The following ETV6 variants were observed in gnomAD, a reference collection of about 807,000 sequenced individuals.
ETV6 encodes ETS variant transcription factor 6, also known as transcription factor ETV6.
Under a neutral mutation model 51.1 loss-of-function variants are expected in ETV6, and 16 were observed. The ratio of observed to expected loss-of-function variants is 0.31; its 90% CI spans 0.21 to 0.48. The LOEUF (loss-of-function observed/expected upper bound fraction) is 0.48. Among genes scored for constraint, ETV6 ranks in the 20% least tolerant of loss-of-function variants. The pLI is 0.99. For synonymous variants in ETV6, 240 were observed against 224.1 expected (o/e 1.07, Z -0.64); for missense variants, 458 against 594.8 (o/e 0.77, Z 2.39).
At chr12:11,809,842 G>A (rs1056839217) in intron 2 of ETV6, among the ~76,000 whole-genome samples, 3 of 120,668 alleles carry the variant, frequency 2.5e-5, no homozygotes, top group African/African-American at 9.7e-5. Flanking sequence ...TTTTTTTGGA[G>A]AGAGTCTTGC....
chr12:11,687,591 T>C (rs74597982), intron 1 of ETV6, among the ~76,000 whole-genome samples: 7,730 of 152,224 alleles, frequency 0.051, 231 homozygotes, highest in Non-Finnish European at 0.074. Flanking sequence ...TATGAAGAAC[T>C]TAAAACACAG....
intron 2 of ETV6, among the ~76,000 whole-genome samples, chr12:11,762,175 C>T (rs1945095028): frequency 6.6e-6 from 1 of 152,230 alleles, no homozygotes; most frequent in South Asian, 2.1e-4. Context: ...AAGACTGTCC[C>T]TGCCACTCTT....
At chr12:11,890,380 C>T (rs1161468754) in intron 7 of ETV6, among the ~76,000 whole-genome samples, 5 of 151,654 alleles carry the variant, frequency 3.3e-5, no homozygotes, top group African/African-American at 1.2e-4. Context: ...TGCATTAATG[C>T]ACCACGTGAT....
At chr12:11,662,538 G>T (rs986227001) in intron 1 of ETV6, among the ~76,000 whole-genome samples, 2 of 152,234 alleles carry the variant, frequency 1.3e-5, no homozygotes, top group African/African-American at 4.8e-5. Context: ...AAGTTGGTCT[G>T]TGTACATTTT....
intron 1 of ETV6, among the ~76,000 whole-genome samples, chr12:11,725,726 T>C (rs1296165075): frequency 6.6e-6 from 1 of 152,182 alleles, no homozygotes; most frequent in African/African-American, 2.4e-5. Context: ...GAGTGAGTTC[T>C]CGCTCTGTTA....
At chr12:11,788,027 A>G (rs1453667048) in intron 2 of ETV6, among the ~76,000 whole-genome samples, 1 of 152,172 alleles carries the variant, frequency 6.6e-6, no homozygotes, top group East Asian at 1.9e-4. Context: ...ATAAGAAAAC[A>G]TTTACAAGGA....
chr12:11,878,373 A>C (rs529906363), intron 5 of ETV6, among the ~76,000 whole-genome samples: 1 of 152,338 alleles, frequency 6.6e-6, no homozygotes, highest in South Asian at 2.1e-4. Context: ...GTAAGGGCGC[A>C]CAGTGCTGTA....
intron 2 of ETV6, among the ~76,000 whole-genome samples, chr12:11,789,150 A>G (rs187692129): frequency 6.6e-6 from 1 of 152,068 alleles, no homozygotes; most frequent in African/African-American, 2.4e-5. Context: ...GTCCTGCCTC[A>G]GCCTCCCGAG....
chr12:11,868,516 C>A (rs1946825354), intron 4 of ETV6, among the ~76,000 whole-genome samples: 1 of 148,684 alleles, frequency 6.7e-6, no homozygotes, highest in Non-Finnish European at 1.5e-5. Flanking sequence ...TGGCTCGCTG[C>A]AACCTCCACC....
At chr12:11,659,896 G>A (rs377285245) in intron 1 of ETV6, among the ~76,000 whole-genome samples, 1 of 152,180 alleles carries the variant, frequency 6.6e-6, no homozygotes, top group African/African-American at 2.4e-5. Context: ...CTGGAAGAGT[G>A]CCGGGGTCTC....
At chr12:11,661,589 T>C (rs1318046654) in intron 1 of ETV6, among the ~76,000 whole-genome samples, 2 of 152,244 alleles carry the variant, frequency 1.3e-5, no homozygotes, top group Non-Finnish European at 2.9e-5. Context: ...CTTTGAGACC[T>C]GAATGACCTG....
intron 1 of ETV6, among the ~76,000 whole-genome samples, chr12:11,750,499 G>A (rs1306967842): frequency 6.6e-6 from 1 of 152,204 alleles, no homozygotes; most frequent in Non-Finnish European, 1.5e-5. Flanking sequence ...TCGAAATGCT[G>A]TCTTGTTTTT....
At chr12:11,845,527 G>C (rs1946448411) in intron 3 of ETV6, among the ~76,000 whole-genome samples, 1 of 152,022 alleles carries the variant, frequency 6.6e-6, no homozygotes, top group Non-Finnish European at 1.5e-5. Context: ...CCCACAACCT[G>C]TTCCTTTTTT....
intron 2 of ETV6, among the ~76,000 whole-genome samples, chr12:11,823,519 T>C (rs1163147147): frequency 6.7e-6 from 1 of 148,436 alleles, no homozygotes; most frequent in African/African-American, 2.5e-5. Flanking sequence ...CAGGCTGGAG[T>C]GCGGTGGTAC....
At position 11,680,311 on chromosome 12, in the gene ETV6, A is replaced by G. The variant is rs1864501792; in HGVS notation, c.33+30151A>G. ...TGATAATATGCTAGAACCAAATTGCAAAGTGTACCCATGTATGTTATTTAG... is the reference window on the plus strand; with the variant it reads ...TGATAATATGCTAGAACCAAATTGCGAAGTGTACCCATGTATGTTATTTAG... On this transcript the variant is annotated intron_variant, in intron 1 of 7. Transcript: ENST00000396373. 2.0e-5 allele frequency among the ~76,000 whole-genome samples: 3 copies of G among 152,238 alleles called. No homozygotes were observed. In the South Asian group the frequency reaches 6.2e-4, roughly 31 times the overall value.
At position 11,690,310 on chromosome 12, in the gene ETV6, C is replaced by T. The variant is rs144341204; in HGVS notation, c.33+40150C>T. On this transcript the variant is annotated intron_variant, in intron 1 of 7. Coordinates refer to ENST00000396373, the MANE Select transcript of ETV6 (RefSeq NM_001987.5). The stretch of plus-strand genomic sequence containing the variant: ...TACAAGACACCTGTCTGCTTTGTAT[C>T]GATTCCGGCACTGTGTTATGATATT... Among the ~76,000 whole-genome samples the T allele has an allele frequency of 8.3e-3, 1,268 of 152,036 alleles. 9 individuals carry two copies. Among genetic ancestry groups the T allele is most frequent in the Non-Finnish European group, 0.013 (869 of 67,952 alleles).
intron 1 of ETV6, among the ~76,000 whole-genome samples, chr12:11,724,604 T>C (rs533104441): frequency 3.3e-5 from 5 of 152,302 alleles, no homozygotes; most frequent in Admixed American, 3.3e-4. Context: ...AGGAAGCCTT[T>C]ATTTGTGCTC....
intron 5 of ETV6, among the ~76,000 whole-genome samples, chr12:11,882,038 G>A (rs1947104933): frequency 1.3e-5 from 2 of 152,194 alleles, no homozygotes; most frequent in Admixed American, 6.5e-5. Context: ...TTAGAATGGG[G>A]TTCAAAGTCC....
At position 11,894,928 on chromosome 12, in the gene ETV6, G is replaced by C. The variant is rs72550768; in HGVS notation, c.*3882G>C. 218 of 233,644 alleles carry C rather than the reference G, an allele frequency of 9.3e-4. No individual in the cohort carries two copies. The highest frequency in any genetic ancestry group is 4.6e-3 in the African/African-American group (208 of 45,442). 14.5% of individuals were successfully genotyped at this position (233,644 alleles called of 1,614,324 possible). On this transcript the variant is annotated 3_prime_UTR_variant, in exon 8 of 8. Transcript: ENST00000396373. Reference sequence around the variant, plus strand: ...GCAGTTTTCTTTGCCCAAGCATTTGGTGCTAGTTAGAGGCTGTTCACTCTC... The same window carrying C: ...GCAGTTTTCTTTGCCCAAGCATTTGCTGCTAGTTAGAGGCTGTTCACTCTC...
Sources: gnomAD v4.1 joint callset for allele counts (sites outside exome capture counted in the v4.1 genomes callset) on GRCh38, gnomAD v4.1.1 for gene constraint, MANE v1.5 for transcripts, NCBI Gene and HGNC (gene_info 2026-07-23, HGNC 2026-07-21) for gene names.